The following IPO11 variants were observed in gnomAD, a reference collection of about 807,000 sequenced individuals.
IPO11 encodes importin 11, also known as importin-11.
In IPO11, 66 loss-of-function variants were observed where a neutral mutation model predicts 143.2. That is an observed-to-expected ratio of 0.46 (90% CI 0.38 to 0.57). The LOEUF (loss-of-function observed/expected upper bound fraction) is 0.57, where lower values mean the gene tolerates loss of function less well. Among genes scored for constraint, IPO11 ranks in the 20% least tolerant of loss-of-function variants. The pLI is 0.00. For synonymous variants in IPO11, 385 were observed against 377.8 expected, an observed-to-expected ratio of 1.02 and a Z score of -0.22; for missense variants, 1,026 against 1,141.0, an observed-to-expected ratio of 0.90 and a Z score of 1.45.
At chr5:62,422,770 C>T (rs1333227245) in intron 1 of IPO11, among the ~76,000 whole-genome samples, 2 of 152,186 alleles carry the variant, frequency 1.3e-5, no homozygotes, top group Admixed American at 1.3e-4. Context: ...CCTCCCCTGT[C>T]TATTGTCTTC....
At chr5:62,548,752 G>T (rs1490295335) in intron 24 of IPO11, among the ~76,000 whole-genome samples, 1 of 152,030 alleles carries the variant, frequency 6.6e-6, no homozygotes, top group Non-Finnish European at 1.5e-5. Context: ...AGTAAATCTG[G>T]TTGCTTCTGT....
At chr5:62,441,779 A>G (rs989383783) in intron 2 of IPO11, among the ~76,000 whole-genome samples, 1 of 150,662 alleles carries the variant, frequency 6.6e-6, no homozygotes, top group African/African-American at 2.4e-5. Flanking sequence ...GGCCTCCCAG[A>G]GTGCAGGGAT....
intron 4 of IPO11, among the ~76,000 whole-genome samples, chr5:62,451,115 T>C (rs1429300280): frequency 1.3e-5 from 2 of 152,214 alleles, no homozygotes; most frequent in Non-Finnish European, 2.9e-5. Context: ...AACACTGATA[T>C]GTAGAAATAT....
At chr5:62,441,628 G>A (rs1451357023) in intron 2 of IPO11, among the ~76,000 whole-genome samples, 1 of 146,174 alleles carries the variant, frequency 6.8e-6, no homozygotes, top group Non-Finnish European at 1.5e-5. Flanking sequence ...CAATTCTCCT[G>A]CCTCAGCCTA....
chr5:62,478,328 G>A (rs1354441309), intron 9 of IPO11, among the ~76,000 whole-genome samples: 1 of 152,008 alleles, frequency 6.6e-6, no homozygotes, highest in Non-Finnish European at 1.5e-5. Flanking sequence ...ACCACGCCCA[G>A]CTAAATTTTT....
At chr5:62,537,119 G>GTATA in intron 23 of IPO11, 90 bp from the exon 24 acceptor site, 1 of 771,686 alleles carries the variant, frequency 1.3e-6, no homozygotes, top group Non-Finnish European at 2.2e-6. Flanking sequence ...TAATTCTCAA[G>GTATA]TATATTATAA....
rs1561359465 is a variant in IPO11, at chr5:62,551,244, A to G, written c.2368A>G (p.Thr790Ala). The change falls in exon 26 of 30, where the codon ACG (threonine) becomes GCG (alanine). Residue 790 changes from threonine to alanine, a missense_variant. By Grantham distance (58) the Thr-to-Ala change is moderately conservative. Transcript: ENST00000325324. ...ACAGAGGTATCCTGTAGTGATGTCC[A>G]CGTATCTTGGAGTTATGGGTCGAGT... is the stretch of plus-strand genomic sequence containing the variant. ...EGERYPVVMS[T>A]YLGVMGRVLL... 1.9e-6 allele frequency: 3 copies of G among 1,606,202 alleles called. No homozygotes were observed. The South Asian group carries it at 3.3e-5, about 18-fold the overall frequency.
At chr5:62,580,140 T>A (rs1234657390) in intron 27 of IPO11, 9 of 1,550,670 alleles carry the variant, frequency 5.8e-6, no homozygotes, top group Non-Finnish European at 7.9e-6. Flanking sequence ...GAAGACTTTC[T>A]TTGTCTCATA....
rs746394000 is a variant in IPO11 at position 62,551,245 on chromosome 5, C to T, written c.2369C>T (p.Thr790Met). 1.9e-5 allele frequency: 31 copies of T among 1,604,960 alleles called. No homozygotes were observed. The highest frequency in any genetic ancestry group is 2.4e-5 in the Non-Finnish European group (28 of 1,173,202). ...CAGAGGTATCCTGTAGTGATGTCCA[C>T]GTATCTTGGAGTTATGGGTCGAGTT... ...EGERYPVVMS[T>M]YLGVMGRVLL... is the part of the protein sequence containing the mutation. The change falls in exon 26 of 30, where the codon ACG (threonine) becomes ATG (methionine). Residue 790 changes from threonine to methionine, a missense_variant. Around this residue, in one of 5 missense-constraint regions of IPO11, gnomAD observed 351 missense variants for 358.9 expected, o/e 0.98. Coordinates refer to ENST00000325324, the MANE Select transcript of IPO11 (RefSeq NM_016338.5).
At chr5:62,440,498 G>A (rs1406295842) in intron 2 of IPO11, among the ~76,000 whole-genome samples, 3 of 151,612 alleles carry the variant, frequency 2.0e-5, no homozygotes, top group Non-Finnish European at 4.4e-5. Flanking sequence ...GGGATTACAG[G>A]CGCCCCCCCA....
intron 24 of IPO11, among the ~76,000 whole-genome samples, chr5:62,538,719 AC>A (rs1376490869): frequency 2.0e-5 from 3 of 152,192 alleles, no homozygotes; most frequent in African/African-American, 7.2e-5. Flanking sequence ...TCATACATTA[AC>A]CAGTAAGATA....
intron 29 of IPO11, among the ~76,000 whole-genome samples, chr5:62,611,578 A>G (rs1339300698): frequency 6.6e-6 from 1 of 152,196 alleles, no homozygotes; most frequent in Non-Finnish European, 1.5e-5. Context: ...TGAGTATTGC[A>G]TAGCAGACGG....
intron 3 of IPO11, among the ~76,000 whole-genome samples, chr5:62,449,317 C>G (rs1744825743): frequency 6.6e-6 from 1 of 152,176 alleles, no homozygotes; most frequent in Non-Finnish European, 1.5e-5. Context: ...CATACGCAGT[C>G]AAAATTATTA....
At chr5:62,504,283 G>T (rs913487938) in intron 16 of IPO11, among the ~76,000 whole-genome samples, 19 of 152,124 alleles carry the variant, frequency 1.2e-4, no homozygotes. Flanking sequence ...TTCCTTCCTT[G>T]TCTCCTTTTG....
At chr5:62,614,981 A>G (rs1746076554) in intron 29 of IPO11, among the ~76,000 whole-genome samples, 1 of 151,964 alleles carries the variant, frequency 6.6e-6, no homozygotes, top group African/African-American at 2.4e-5. Flanking sequence ...CTCCTTTCCT[A>G]CCACCCCAGC....
chr5:62,427,664 A>G (rs979616906), intron 1 of IPO11, among the ~76,000 whole-genome samples: 5 of 152,160 alleles, frequency 3.3e-5, no homozygotes, highest in African/African-American at 1.2e-4. Flanking sequence ...TAGGTTGCAT[A>G]CTCCTTATGA....
intron 6 of IPO11, among the ~76,000 whole-genome samples, chr5:62,468,258 C>G (rs1459641689): frequency 1.3e-5 from 2 of 152,188 alleles, no homozygotes; most frequent in Admixed American, 6.5e-5. Flanking sequence ...ATCAGTTTCT[C>G]TCTTACTCTC....
At chr5:62,546,277 G>A (rs1480392322) in intron 24 of IPO11, among the ~76,000 whole-genome samples, 1 of 152,170 alleles carries the variant, frequency 6.6e-6, no homozygotes, top group Non-Finnish European at 1.5e-5. Context: ...CATAAAAAAT[G>A]ATGAGTTTAT....
At chr5:62,519,994 T>TG in intron 20 of IPO11, among the ~76,000 whole-genome samples, 1 of 152,324 alleles carries the variant, frequency 6.6e-6, no homozygotes, top group African/African-American at 2.4e-5. Flanking sequence ...AAGTCAGCAG[T>TG]GGGGAAATTC....
Sources: gnomAD v4.1 joint callset for allele counts (sites outside exome capture counted in the v4.1 genomes callset) on GRCh38, gnomAD v4.1.1 for gene constraint, gnomAD v4.1.1 regional missense constraint, MANE v1.5 for transcripts, NCBI Gene and HGNC (gene_info 2026-07-23, HGNC 2026-07-21) for gene names.